The following NDP variants were observed in gnomAD, a reference collection of about 807,000 sequenced individuals.
NDP encodes norrin.
A neutral mutation model predicts 8.4 loss-of-function variants in NDP; 2 were observed. The observed-to-expected ratio is 0.24, with a 90% CI of 0.10 to 0.75. The LOEUF is 0.75. NDP is among the 30% of genes least tolerant of loss of function. NDP has a pLI of 0.73. For synonymous variants in NDP, 55 were observed against 45.6 expected, an observed-to-expected ratio of 1.21 and a Z score of -0.83; for missense variants, 81 against 110.1, an observed-to-expected ratio of 0.74 and a Z score of 1.18.
intron 1 of NDP, among the ~76,000 whole-genome samples, chrX:43,972,955 C>A (rs1177568520): frequency 8.9e-6 from 1 of 112,869 alleles, no homozygotes; most frequent in East Asian, 2.8e-4. Flanking sequence ...CTCCATGAAT[C>A]CATGTTGGCA....
At chrX:43,953,961 T>C (rs184741083) in intron 2 of NDP, among the ~76,000 whole-genome samples, 4 of 112,720 alleles carry the variant, frequency 3.5e-5, no homozygotes, top group Admixed American at 1.9e-4. Context: ...TCCCCAAGCT[T>C]ATGCAGAGCT....
chrX:43,953,944 T>C (rs769799541), intron 2 of NDP, among the ~76,000 whole-genome samples: 1 of 112,548 alleles, frequency 8.9e-6, no homozygotes, highest in Non-Finnish European at 1.9e-5. Context: ...GGACATTAGC[T>C]TCACCATCCC....
chrX:43,965,554 A>G (rs1426845283), intron 1 of NDP, among the ~76,000 whole-genome samples: 2 of 112,105 alleles, frequency 1.8e-5, no homozygotes, highest in Non-Finnish European at 3.8e-5. Flanking sequence ...ACCAAAGCAT[A>G]AACGGGGAGA....
chrX:43,951,293 T>A (rs1246764106), intron 2 of NDP, among the ~76,000 whole-genome samples: 1 of 109,145 alleles, frequency 9.2e-6, no homozygotes, highest in Non-Finnish European at 1.9e-5. Context: ...TGTGCACCTG[T>A]AGTCCCAGCT....
chrX:43,951,127 C>T (rs1050708921), intron 2 of NDP, among the ~76,000 whole-genome samples: 1 of 110,445 alleles, frequency 9.1e-6, no homozygotes, highest in African/African-American at 3.3e-5. Context: ...GAAAAAAATC[C>T]CCTGGGCCAG....
intron 2 of NDP, among the ~76,000 whole-genome samples, chrX:43,950,273 ACT>A (rs1268507436): frequency 2.8e-5 from 3 of 109,073 alleles, no homozygotes; most frequent in African/African-American, 1.0e-4. Flanking sequence ...TTCTAAGTGT[ACT>A]GAGGGTTTAG....
At chrX:43,954,091 T>G (rs1455111314) in intron 2 of NDP, among the ~76,000 whole-genome samples, 2 of 112,321 alleles carry the variant, frequency 1.8e-5, no homozygotes, top group Non-Finnish European at 1.9e-5. Flanking sequence ...AAAAGTATTT[T>G]GCCTTTTTCG....
intron 2 of NDP, among the ~76,000 whole-genome samples, chrX:43,951,259 T>A (rs745703836): frequency 4.8e-5 from 5 of 104,592 alleles, no homozygotes; most frequent in Non-Finnish European, 7.8e-5. Flanking sequence ...AAAAAAAAAA[T>A]AAAAAGTTAA....
chrX:43,953,078 T>G (rs2035771646), intron 2 of NDP, among the ~76,000 whole-genome samples: 1 of 108,555 alleles, frequency 9.2e-6, no homozygotes, highest in Non-Finnish European at 1.9e-5. Flanking sequence ...CAAATGCTCT[T>G]TCCTGGAAGA....
chrX:43,953,127 AACAC>A lies in NDP; in HGVS notation c.175-3105_175-3102del, dbSNP rs58114928. On this transcript the variant is annotated intron_variant, in intron 2 of 2. Transcript: ENST00000642620. Reference sequence around the variant, plus strand: ...CAATTATTGAACCATTGATGTTCTCAACACACACACACACACACACACACACACA... The same window carrying A: ...CAATTATTGAACCATTGATGTTCTCAACACACACACACACACACACACACA... 9.3e-4 allele frequency among the ~76,000 whole-genome samples: 91 copies of A among 98,197 alleles called. No individual in the cohort carries two copies. The East Asian group carries it at 0.015, about 16-fold the overall frequency. The allele number at this position is 98,197 out of a possible 115,157, so 85.3% of individuals were successfully genotyped here.
In NDP at chrX:43,953,086, A is replaced by G. The variant is rs371685577; in HGVS notation, c.175-3060T>C. On this transcript the variant is annotated intron_variant, in intron 2 of 2. Coordinates refer to ENST00000642620, the MANE Select transcript of NDP (RefSeq NM_000266.4). ...CCAAATTCAAATGCTCTTTCCTGGA[A>G]GAAAAGACTATGAAGCAATTATTGA... Among the ~76,000 whole-genome samples, 29 of 109,282 alleles carry G rather than the reference A, an allele frequency of 2.7e-4. 1 individual carries two copies. In the East Asian group the frequency reaches 4.4e-3, roughly 16 times the overall value. 94.9% of individuals were successfully genotyped at this position (109,282 alleles called of 115,157 possible). A position where few individuals can be genotyped will look rare whatever the true frequency, so the allele number is the denominator to read the frequency against.
chrX:43,966,306 G>C (rs1008829256), intron 1 of NDP, among the ~76,000 whole-genome samples: 9 of 111,754 alleles, frequency 8.1e-5, no homozygotes, highest in Admixed American at 6.6e-4. Context: ...GGGAATTAAA[G>C]TAGGGAGAGA....
chrX:43,962,619 G>T (rs962430248), intron 1 of NDP, among the ~76,000 whole-genome samples: 2 of 111,721 alleles, frequency 1.8e-5, no homozygotes, highest in African/African-American at 6.5e-5. Context: ...TGCTGCCTAC[G>T]AAGACTTAGA....
At chrX:43,971,827 G>T (rs1476702247) in intron 1 of NDP, among the ~76,000 whole-genome samples, 1 of 111,936 alleles carries the variant, frequency 8.9e-6, no homozygotes, top group East Asian at 2.8e-4. Context: ...TGCTTATTGG[G>T]CTGGTTATCA....
At position 43,949,364 on chromosome X, in the gene NDP, T is replaced by TA. The variant is rs200362031; in HGVS notation, c.*434dup. The TA allele has an allele frequency of 0.014, 2,203 of 157,346 alleles. 53 individuals are homozygous for TA. The highest frequency in any genetic ancestry group is 0.058 in the African/African-American group (1,853 of 31,703). 13.0% of individuals were successfully genotyped at this position (157,346 alleles called of 1,213,427 possible). On this transcript the variant is annotated 3_prime_UTR_variant, in exon 3 of 3. Coordinates refer to ENST00000642620, the MANE Select transcript of NDP (RefSeq NM_000266.4). ...GCAACCTTAGACCAAAATGACAAGGTAAAAAAAAACATCAACAATAACAGA... is the reference window on the plus strand; with the variant it reads ...GCAACCTTAGACCAAAATGACAAGGTAAAAAAAAAACATCAACAATAACAGA...
rs921897041 is a variant in NDP, at chrX:43,958,420, T to C, written c.174+52A>G. On this transcript the variant is annotated intron_variant, in intron 2 of 2. Coordinates refer to ENST00000642620, the MANE Select transcript of NDP (RefSeq NM_000266.4). ...CCATCCCCTGACAAAGAAATATGGC[T>C]TCTTGCCTGTTTCTGAGGGAAATGC... The C allele has an allele frequency of 8.6e-6, 10 of 1,167,537 alleles. No individual in the cohort carries two copies. In the African/African-American group the frequency reaches 1.6e-4, roughly 19 times the overall value.
At chrX:43,950,106 C>T in intron 2 of NDP, 80 bp from the exon 3 acceptor site, 1 of 909,601 alleles carries the variant, frequency 1.1e-6, no homozygotes, top group Non-Finnish European at 1.6e-6. Context: ...TTGAAAGACC[C>T]TCACACTCGT....
intron 1 of NDP, among the ~76,000 whole-genome samples, chrX:43,971,757 C>A (rs997688560): frequency 9.0e-6 from 1 of 111,403 alleles, no homozygotes; most frequent in Admixed American, 9.6e-5. Flanking sequence ...GCTTTCTTGA[C>A]TAATGAATAC....
chrX:43,954,903 A>G (rs2035783759), intron 2 of NDP, among the ~76,000 whole-genome samples: 1 of 110,436 alleles, frequency 9.1e-6, no homozygotes, highest in South Asian at 3.9e-4. Flanking sequence ...TCCTCACCCA[A>G]CTGAGACTTT....
Sources: allele counts gnomAD v4.1 joint callset (sites outside exome capture counted in the v4.1 genomes callset), GRCh38; gene constraint gnomAD v4.1.1; transcripts MANE v1.5; gene names NCBI Gene and HGNC (gene_info 2026-07-23, HGNC 2026-07-21).